The following BRINP1 variants were observed in gnomAD, a reference collection of about 807,000 sequenced individuals.
BRINP1 encodes the protein BMP/retinoic acid inducible neural specific 1.
BRINP1 carries 17 observed loss-of-function variants against 72.9 expected under a neutral mutation model. That is an observed-to-expected ratio of 0.23 (90% CI 0.16 to 0.35). The LOEUF is 0.35. Ranked by LOEUF, BRINP1 falls within the 10% of genes least tolerant of loss-of-function variation. The probability of loss-of-function intolerance (pLI) is 1.00; values close to 1 mark genes in which losing one functional copy is unlikely to be tolerated. For missense variants in BRINP1, 850 were observed against 1,001.6 expected, an observed-to-expected ratio of 0.85 and a Z score of 2.04; for synonymous variants, 418 against 378.5, an observed-to-expected ratio of 1.10 and a Z score of -1.21.
intron 2 of BRINP1, among the ~76,000 whole-genome samples, chr9:119,287,004 T>A (rs1340951407): frequency 6.6e-6 from 1 of 151,634 alleles, no homozygotes; most frequent in Non-Finnish European, 1.5e-5. Context: ...CCAAATAGTC[T>A]AGTTAATTTC....
chr9:119,232,571 C>A (rs1188737015), intron 5 of BRINP1, among the ~76,000 whole-genome samples: 1 of 152,030 alleles, frequency 6.6e-6, no homozygotes, highest in East Asian at 1.9e-4. Flanking sequence ...TTTGCCATAT[C>A]CACACATCAA....
At chr9:119,362,771 G>C (rs1402922461) in intron 1 of BRINP1, among the ~76,000 whole-genome samples, 1 of 152,108 alleles carries the variant, frequency 6.6e-6, no homozygotes, top group East Asian at 1.9e-4. Flanking sequence ...TTCAGAGTAG[G>C]AGTAGAAATT....
chr9:119,343,623 C>G (rs1033105354), intron 1 of BRINP1, among the ~76,000 whole-genome samples: 3 of 152,150 alleles, frequency 2.0e-5, no homozygotes, highest in Admixed American at 6.5e-5. Flanking sequence ...ATCTCCATCT[C>G]TGTAGGGTGT....
At chr9:119,230,683 G>C (rs186646622) in intron 5 of BRINP1, among the ~76,000 whole-genome samples, 2 of 151,800 alleles carry the variant, frequency 1.3e-5, no homozygotes, top group Admixed American at 1.3e-4. Flanking sequence ...AAAAAGAAAA[G>C]GTCAAAGAAG....
intron 7 of BRINP1, among the ~76,000 whole-genome samples, chr9:119,178,691 C>T (rs1056927708): frequency 1.3e-5 from 2 of 152,120 alleles, no homozygotes; most frequent in African/African-American, 2.4e-5. Context: ...CATGAAACCA[C>T]CTCCATGTTA....
chr9:119,338,817 G>A (rs1587965770), intron 1 of BRINP1, among the ~76,000 whole-genome samples: 1 of 150,706 alleles, frequency 6.6e-6, no homozygotes, highest in Admixed American at 6.6e-5. Context: ...CCCAGGAGGC[G>A]GAGCTTGCAG....
rs543845624 is a variant in BRINP1 at position 119,255,470 on chromosome 9, G to T, written c.219-6320C>A. Among the ~76,000 whole-genome samples, 10 of 152,284 alleles carry T rather than the reference G, an allele frequency of 6.6e-5. 1 individual carries two copies. The South Asian group carries it at 1.9e-3, about 28-fold the overall frequency. On this transcript the variant is annotated intron_variant, in intron 2 of 7. Transcript: ENST00000265922. The stretch of plus-strand genomic sequence containing the variant: ...GGGATGGATGAAGACTGCAGCCAGG[G>T]GTGCTGGATTTAAGATGAGGCTGGA...
At chr9:119,244,810 G>A (rs75163382) in intron 3 of BRINP1, among the ~76,000 whole-genome samples, 8 of 152,178 alleles carry the variant, frequency 5.3e-5, no homozygotes, top group East Asian at 3.9e-4. Flanking sequence ...TTGCCTCTTC[G>A]CCCCACATAG....
At chr9:119,360,695 G>A (rs914258841) in intron 1 of BRINP1, among the ~76,000 whole-genome samples, 45 of 152,226 alleles carry the variant, frequency 3.0e-4, no homozygotes, top group Middle Eastern at 3.4e-3. Flanking sequence ...GTGGCTAAAC[G>A]CGGCTGTTCT....
intron 1 of BRINP1, among the ~76,000 whole-genome samples, chr9:119,319,877 T>G (rs1831166504): frequency 6.6e-6 from 1 of 152,184 alleles, no homozygotes; most frequent in Non-Finnish European, 1.5e-5. Context: ...TCATTCCAGC[T>G]GAAATTAGAT....
chr9:119,211,673 T>C (rs531370626), intron 6 of BRINP1, among the ~76,000 whole-genome samples: 1 of 152,316 alleles, frequency 6.6e-6, no homozygotes. Flanking sequence ...CTGGGCTGAG[T>C]AGCGAAGGTT....
chr9:119,351,995 A>C (rs1053903470), intron 1 of BRINP1, among the ~76,000 whole-genome samples: 1 of 151,726 alleles, frequency 6.6e-6, no homozygotes, highest in African/African-American at 2.4e-5. Flanking sequence ...GTGGGGTTTC[A>C]CCATGTTGGC....
intron 7 of BRINP1, among the ~76,000 whole-genome samples, chr9:119,173,940 G>A (rs1829449897): frequency 7.8e-6 from 1 of 127,876 alleles, no homozygotes; most frequent in South Asian, 2.4e-4. Flanking sequence ...GCCATATGTA[G>A]AAAGCTGAAA....
chr9:119,356,374 G>A (rs1159679890), intron 1 of BRINP1, among the ~76,000 whole-genome samples: 1 of 152,110 alleles, frequency 6.6e-6, no homozygotes, highest in African/African-American at 2.4e-5. Context: ...TACACTATAT[G>A]TTTACTTCTT....
chr9:119,265,636 C>G (rs908837054), intron 2 of BRINP1, among the ~76,000 whole-genome samples: 18 of 152,000 alleles, frequency 1.2e-4, no homozygotes, highest in Admixed American at 4.6e-4. Context: ...AACAAAAAAT[C>G]AGTCCTCAAA....
At chr9:119,331,780 G>T (rs540387694) in intron 1 of BRINP1, among the ~76,000 whole-genome samples, 1 of 152,166 alleles carries the variant, frequency 6.6e-6, no homozygotes, top group Non-Finnish European at 1.5e-5. Flanking sequence ...ACTATCTGAG[G>T]TTTCACGAAG....
chr9:119,172,323 C>G (rs1439974076), intron 7 of BRINP1, among the ~76,000 whole-genome samples: 4 of 151,954 alleles, frequency 2.6e-5, no homozygotes, highest in African/African-American at 4.8e-5. Context: ...CACAGAAATA[C>G]AAACTACCAT....
intron 2 of BRINP1, among the ~76,000 whole-genome samples, chr9:119,275,998 CTTTTCACTTTCCCTT>C (rs1180445455): frequency 1.3e-5 from 2 of 152,096 alleles, no homozygotes; most frequent in Non-Finnish European, 2.9e-5. Flanking sequence ...TTTCTCTGTT[CTTTTCACTTTCCCTT>C]TTTTCCTTGT....
At chr9:119,333,190 G>A (rs1175771158) in intron 1 of BRINP1, among the ~76,000 whole-genome samples, 3 of 151,882 alleles carry the variant, frequency 2.0e-5, no homozygotes, top group African/African-American at 4.8e-5. Context: ...GCAGGCTGTG[G>A]TGGCTCATGC....
Sources: allele counts gnomAD v4.1 joint callset (sites outside exome capture counted in the v4.1 genomes callset), GRCh38; gene constraint gnomAD v4.1.1; transcripts MANE v1.5; gene names NCBI Gene and HGNC (gene_info 2026-07-23, HGNC 2026-07-21).